KANK2: variants seen among roughly 807,000 people sequenced by gnomAD.
KANK2 encodes KN motif and ankyrin repeat domain-containing protein 2.
A neutral mutation model predicts 74.6 loss-of-function variants in KANK2; 41 were observed. The ratio of observed to expected loss-of-function variants is 0.55; its 90% CI spans 0.43 to 0.71. The LOEUF is 0.71. KANK2 is among the 30% of genes least tolerant of loss of function. The pLI is 0.00. For synonymous variants in KANK2, 537 were observed against 519.0 expected (o/e 1.03, Z -0.47); for missense variants, 1,148 against 1,196.4 (o/e 0.96, Z 0.60).
At chr19:11,176,918 G>T in intron 6 of KANK2, 101 bp from the exon 7 acceptor site, 1 of 1,359,228 alleles carries the variant, frequency 7.4e-7, no homozygotes, top group Non-Finnish European at 9.7e-7. Context: ...GTGGGCCTCA[G>T]CTTCCCCATC....
intron 3 of KANK2, 119 bp downstream of exon 3, chr19:11,194,356 A>G: frequency 1.3e-6 from 1 of 784,722 alleles, no homozygotes; most frequent in East Asian, 2.6e-5. Flanking sequence ...CCTCCCTCAG[A>G]CCTCTAATTG....
chr19:11,186,823 A>C (rs547757585), intron 4 of KANK2, among the ~76,000 whole-genome samples: 1 of 152,362 alleles, frequency 6.6e-6, no homozygotes, highest in African/African-American at 2.4e-5. Flanking sequence ...TTTTTTGGAA[A>C]GGATCAGACA....
intron 7 of KANK2, 36 bp from the exon 8 acceptor site, chr19:11,176,025 C>T (rs1454249924): frequency 1.9e-6 from 3 of 1,554,066 alleles, no homozygotes; most frequent in Middle Eastern, 1.7e-4. Context: ...ACTAAGTAAG[C>T]CCCGCTGCGG....
rs2077973945 is a variant in KANK2, at chr19:11,164,421, T to C, written c.*2137A>G. On this transcript the variant is annotated 3_prime_UTR_variant, in exon 13 of 13. Transcript: ENST00000586659. ...CTCATGGATATGCGTGAGAAGAGAA[T>C]GGGCGCAGAGGCACGAGTCCAGTAT... The C allele has an allele frequency of 6.6e-6, 1 of 151,970 alleles. No homozygotes were observed. Among genetic ancestry groups the C allele is most frequent in the Non-Finnish European group, 1.5e-5 (1 of 68,002 alleles). 9.4% of individuals were successfully genotyped at this position (151,970 alleles called of 1,614,324 possible).
intron 4 of KANK2, among the ~76,000 whole-genome samples, chr19:11,188,934 G>C (rs984565176): frequency 6.6e-6 from 1 of 151,236 alleles, no homozygotes; most frequent in African/African-American, 2.4e-5. Flanking sequence ...GCAGTGAGCG[G>C]AGATAGCGCC....
chr19:11,176,923 C>T (rs2078358751), intron 6 of KANK2, 106 bp from the exon 7 acceptor site: 1 of 1,322,206 alleles, frequency 7.6e-7, no homozygotes, highest in Non-Finnish European at 1.0e-6. Flanking sequence ...CCTCAGCTTC[C>T]CCATCTGTTC....
intron 4 of KANK2, among the ~76,000 whole-genome samples, chr19:11,184,196 T>C (rs1234788241): frequency 7.5e-6 from 1 of 133,172 alleles, no homozygotes; most frequent in Non-Finnish European, 1.7e-5. Flanking sequence ...GCCAACATGG[T>C]GAAACCCAGT....
chr19:11,178,362 G>A lies in KANK2; in HGVS notation c.1503C>T (p.Phe501=), dbSNP rs1268625980. 7 of 1,526,362 alleles carry A rather than the reference G, an allele frequency of 4.6e-6. No individual in the cohort carries two copies. Among genetic ancestry groups the A allele is most frequent in the Middle Eastern group, 1.9e-4 (1 of 5,366 alleles). 94.6% of individuals were successfully genotyped at this position (1,526,362 alleles called of 1,614,324 possible). ...DPTAHRRSLQ[F]VGVNGGYESS... ...CCTCTCACCCGCCGTTGACCCCCAC[G>A]AACTGGAGGCTCCTCCGGTGGGCCG... The change falls in exon 6 of 13, where the codon TTC becomes TTT. Residue 501 remains phenylalanine (F), a synonymous_variant. Coordinates refer to ENST00000586659, the MANE Select transcript of KANK2 (RefSeq NM_001136191.3).
rs377116202 is a variant in KANK2 at position 11,166,609 on chromosome 19, A to T, written c.2505T>A (p.Phe835Leu). ...LYSRMNIKCSFAPMSDDESPT... is the reference protein window; with the variant it reads ...LYSRMNIKCSLAPMSDDESPT... ...GGCTCTCGTCATCTGACATTGGGGC[A>T]AACTGAAACAGAGAAGCAGAATTCT... Residue 835 changes from phenylalanine (F) to leucine (L), a missense_variant and splice_region_variant, in exon 13 of 13, where the codon TTT becomes TTA. Phe to Leu is a conservative substitution (Grantham distance 22). Coordinates refer to ENST00000586659, the MANE Select transcript of KANK2 (RefSeq NM_001136191.3). 55 of 1,614,052 alleles carry T rather than the reference A, an allele frequency of 3.4e-5. No individual in the cohort carries two copies. The highest frequency in any genetic ancestry group is 4.3e-5 in the Non-Finnish European group (51 of 1,180,000).
intron 12 of KANK2, among the ~76,000 whole-genome samples, chr19:11,166,842 T>A (rs1372465265): frequency 6.6e-6 from 1 of 152,092 alleles, no homozygotes. Context: ...GGACAGTGGC[T>A]GGTCAGGGAG....
intron 10 of KANK2, among the ~76,000 whole-genome samples, chr19:11,172,127 C>T (rs1291945969): frequency 6.6e-6 from 1 of 151,898 alleles, no homozygotes; most frequent in Admixed American, 6.6e-5. Context: ...AGGCACGTGC[C>T]ACCACGCCCA....
chr19:11,189,232 C>T (rs34958840), intron 4 of KANK2, among the ~76,000 whole-genome samples: 64,465 of 151,122 alleles, frequency 0.43, 13,992 homozygotes, highest in South Asian at 0.58. Flanking sequence ...TCCAGGATTA[C>T]AGGCATAAGC....
At chr19:11,192,638 T>C (rs1568653280) in intron 4 of KANK2, 193 bp downstream of exon 4, 12 of 633,242 alleles carry the variant, frequency 1.9e-5, no homozygotes, top group South Asian at 1.3e-4. Flanking sequence ...TTTCACCATG[T>C]TGGCCAGGCT....
chr19:11,172,690 A>G (rs901615231), intron 10 of KANK2, among the ~76,000 whole-genome samples: 2 of 152,102 alleles, frequency 1.3e-5, no homozygotes, highest in African/African-American at 2.4e-5. Flanking sequence ...GCTTCAGGAG[A>G]CCATGCCTGC....
rs1600817238 is a variant in KANK2 at position 11,183,497 on chromosome 19, C to A, written c.1250-4777G>T. Among the ~76,000 whole-genome samples the A allele has an allele frequency of 2.0e-5, 3 of 152,248 alleles. No individual in the cohort carries two copies. The East Asian group carries it at 5.8e-4, about 29-fold the overall frequency. ...AAAGGGAAAGATTCATTCATTCATTCATTCATCCAGTGACACAGTCTCACT... is the reference window on the plus strand; with the variant it reads ...AAAGGGAAAGATTCATTCATTCATTAATTCATCCAGTGACACAGTCTCACT... On this transcript the variant is annotated intron_variant, in intron 4 of 12. Transcript: ENST00000586659.
chr19:11,176,076 C>A, intron 7 of KANK2, 87 bp from the exon 8 acceptor site: 5 of 991,358 alleles, frequency 5.0e-6, no homozygotes, highest in Non-Finnish European at 7.8e-6. Flanking sequence ...ACGTCACTCA[C>A]AATAGGGTCA....
Position 11,176,801 on chromosome 19 carries a change from C to T in KANK2, c.1537G>A (p.Glu513Lys), listed in dbSNP as rs749595080. Residue 513 changes from glutamate to lysine, a missense_variant, in exon 7 of 13, where the codon GAG (glutamate) becomes AAG (lysine). By Grantham distance (56) the Glu-to-Lys change is moderately conservative. Transcript: ENST00000586659. ...ATGTTCTCTGCTGTGCTGGAGTCCT[C>T]GGATGACGACTCATACCTGGGGAGG... is the stretch of plus-strand genomic sequence containing the variant. Reference protein sequence around the residue: ...GVNGGYESSSEDSSTAENISD... With the variant: ...GVNGGYESSSKDSSTAENISD... 3.3e-5 allele frequency: 51 copies of T among 1,527,794 alleles called. No individual in the cohort carries two copies. Among genetic ancestry groups the T allele is most frequent in the Middle Eastern group, 1.8e-4 (1 of 5,702 alleles). 94.6% of individuals were successfully genotyped at this position (1,527,794 alleles called of 1,614,324 possible). A position where few individuals can be genotyped will look rare whatever the true frequency, so the allele number is the denominator to read the frequency against.
chr19:11,175,966 A>C lies in KANK2; in HGVS notation c.1784T>G (p.Ile595Ser), dbSNP rs1227294673. The change falls in exon 8 of 13, where the codon ATC becomes AGC. Residue 595 changes from isoleucine to serine, a missense_variant. Coordinates refer to ENST00000586659, the MANE Select transcript of KANK2 (RefSeq NM_001136191.3). ...EIRMELSPDL[I>S]SACLALEKYL... ...CTTTTCCAGGGCCAAGCAGGCTGAG[A>C]TGAGGTCAGGGCTTAGCTCCATCCT... The C allele has an allele frequency of 1.9e-6, 3 of 1,613,734 alleles. No homozygotes were observed. In the South Asian group the frequency reaches 3.3e-5, roughly 18 times the overall value.
chr19:11,184,621 G>A (rs1022293218), intron 4 of KANK2, among the ~76,000 whole-genome samples: 3 of 149,016 alleles, frequency 2.0e-5, no homozygotes, highest in South Asian at 2.1e-4. Flanking sequence ...AAGTGATTCC[G>A]CGTGGCTGTA....
Sources: allele counts gnomAD v4.1 joint callset (sites outside exome capture counted in the v4.1 genomes callset), GRCh38; gene constraint gnomAD v4.1.1; transcripts MANE v1.5; gene names NCBI Gene and HGNC (gene_info 2026-07-23, HGNC 2026-07-21).